DLGAP1: variants seen among roughly 807,000 people sequenced by gnomAD.
The protein encoded by DLGAP1 is disks large-associated protein 1.
Under a neutral mutation model 90.8 loss-of-function variants are expected in DLGAP1, and 11 were observed. The ratio of observed to expected loss-of-function variants is 0.12; its 90% CI spans 0.08 to 0.20. DLGAP1 has a LOEUF of 0.20. Among genes scored for constraint, DLGAP1 ranks in the 10% least tolerant of loss-of-function variants. The pLI is 1.00. For missense variants in DLGAP1, 1,050 were observed against 1,333.8 expected (o/e 0.79, Z 3.31); for synonymous variants, 558 against 540.7 (o/e 1.03, Z -0.44).
chr18:3,673,228 G>A (rs779621160), intron 7 of DLGAP1, among the ~76,000 whole-genome samples: 8 of 152,092 alleles, frequency 5.3e-5, no homozygotes, highest in Non-Finnish European at 1.2e-4. Flanking sequence ...TCAATTCACT[G>A]TCTTTGATAG....
intron 1 of DLGAP1, among the ~76,000 whole-genome samples, chr18:4,308,183 G>A (rs1007268956): frequency 2.0e-5 from 3 of 152,138 alleles, no homozygotes; most frequent in African/African-American, 7.2e-5. Flanking sequence ...TCTGATAATT[G>A]GTGACTGGGT....
intron 2 of DLGAP1, among the ~76,000 whole-genome samples, chr18:4,017,072 C>T (rs1275200964): frequency 1.3e-5 from 2 of 152,120 alleles, no homozygotes; most frequent in South Asian, 2.1e-4. Context: ...CCAAAGATCA[C>T]GTTTGGGTAG....
intron 7 of DLGAP1, among the ~76,000 whole-genome samples, chr18:3,672,448 A>G (rs1484334336): frequency 6.6e-6 from 1 of 151,818 alleles, no homozygotes; most frequent in African/African-American, 2.4e-5. Flanking sequence ...GTGGTGGCAC[A>G]TGCCTGTAAT....
At chr18:4,363,349 C>G (rs1278626828) in intron 1 of DLGAP1, among the ~76,000 whole-genome samples, 1 of 152,108 alleles carries the variant, frequency 6.6e-6, no homozygotes, top group East Asian at 1.9e-4. Flanking sequence ...TGTTACCCAA[C>G]CTACACAGGG....
chr18:4,246,512 A>AC (rs1406386229), intron 1 of DLGAP1, among the ~76,000 whole-genome samples: 2 of 152,236 alleles, frequency 1.3e-5, no homozygotes, highest in African/African-American at 4.8e-5. Context: ...ATTGGTCACA[A>AC]CCTCTCATTG....
At chr18:4,290,270 C>T (rs1021778065) in intron 1 of DLGAP1, among the ~76,000 whole-genome samples, 4 of 152,170 alleles carry the variant, frequency 2.6e-5, no homozygotes, top group African/African-American at 7.2e-5. Flanking sequence ...AAAGAATACG[C>T]ATCAGGAGAA....
Position 3,534,296 on chromosome 18 carries a change from C to T in DLGAP1, c.2377G>A (p.Gly793Ser). 6.2e-7 allele frequency: 1 copy of T among 1,614,250 alleles called. No homozygotes were observed. The highest frequency in any genetic ancestry group is 2.2e-5 in the East Asian group (1 of 44,894). ...AVQRSVCHRD[G>S]HWFLKLLQAE... Reference sequence around the variant, plus strand: ...TGGAGAAGCTTCAGGAACCAGTGGCCATCCCGGTGGCACACTGACCTTTGC... The same window carrying T: ...TGGAGAAGCTTCAGGAACCAGTGGCTATCCCGGTGGCACACTGACCTTTGC... Residue 793 changes from glycine to serine, a missense_variant, in exon 10 of 13, where the codon GGC becomes AGC. Transcript: ENST00000315677.
intron 4 of DLGAP1, among the ~76,000 whole-genome samples, chr18:3,850,585 C>A (rs774863804): frequency 1.1e-4 from 17 of 152,110 alleles, no homozygotes; most frequent in Non-Finnish European, 2.2e-4. Context: ...TCAACCTGGG[C>A]ATTCTTAAAG....
intron 4 of DLGAP1, among the ~76,000 whole-genome samples, chr18:3,837,895 A>T (rs2068494347): frequency 6.8e-6 from 1 of 147,932 alleles, no homozygotes; most frequent in African/African-American, 2.5e-5. Context: ...AGGGACAAGG[A>T]TAAATGCAAA....
At chr18:3,570,322 A>G (rs574648723) in intron 8 of DLGAP1, among the ~76,000 whole-genome samples, 8 of 149,018 alleles carry the variant, frequency 5.4e-5, no homozygotes, top group African/African-American at 2.0e-4. Flanking sequence ...TCTGTTGCCC[A>G]GGTTAGAGTG....
chr18:4,054,396 T>C (rs2075182294), intron 2 of DLGAP1, among the ~76,000 whole-genome samples: 2 of 152,224 alleles, frequency 1.3e-5, no homozygotes, highest in South Asian at 2.1e-4. Context: ...TGCATATTTC[T>C]TCCAAGTTGA....
intron 1 of DLGAP1, among the ~76,000 whole-genome samples, chr18:4,416,087 T>A (rs945401082): frequency 6.7e-6 from 1 of 149,592 alleles, no homozygotes; most frequent in Non-Finnish European, 1.5e-5. Context: ...GCAAGCATTC[T>A]GGCTAGAATA....
At chr18:4,322,829 C>A (rs147246450) in intron 1 of DLGAP1, among the ~76,000 whole-genome samples, 44 of 148,476 alleles carry the variant, frequency 3.0e-4, no homozygotes, top group Admixed American at 6.8e-4. Flanking sequence ...GGCGTTTTGG[C>A]GGGCGCCTGT....
chr18:3,910,026 C>T lies in DLGAP1; in HGVS notation c.-72-29886G>A, dbSNP rs183710888. 8.3e-4 allele frequency among the ~76,000 whole-genome samples: 125 copies of T among 151,316 alleles called. 3 individuals carry two copies. The South Asian group carries it at 0.015, about 18-fold the overall frequency. ...TGAGAAGTTCCTGAGAGTGTCCTTC[C>T]GAGAAGCATAGGAACAGGAAGTCAT... On this transcript the variant is annotated intron_variant, in intron 3 of 12. Coordinates refer to ENST00000315677, the MANE Select transcript of DLGAP1 (RefSeq NM_004746.4).
intron 4 of DLGAP1, among the ~76,000 whole-genome samples, chr18:3,834,315 A>G (rs2068245430): frequency 6.7e-6 from 1 of 149,606 alleles, no homozygotes; most frequent in Non-Finnish European, 1.5e-5. Flanking sequence ...CAAAAAAAAA[A>G]AAAAAAAAAA....
Position 4,005,856 on chromosome 18 carries a change from A to AT in DLGAP1, c.-158-656dup, listed in dbSNP as rs535244382. Among the ~76,000 whole-genome samples the AT allele has an allele frequency of 3.2e-4, 49 of 151,714 alleles. 3 individuals carry two copies. The South Asian group carries it at 4.0e-3, about 12-fold the overall frequency. ...TGGTTCTGCATCAAATGTATTGGTA[A>AT]TTTTTTTTTATCTGTCTGTTTTTGA... is the stretch of plus-strand genomic sequence containing the variant. On this transcript the variant is annotated intron_variant, in intron 2 of 12. Coordinates refer to ENST00000315677, the MANE Select transcript of DLGAP1 (RefSeq NM_004746.4).
intron 1 of DLGAP1, among the ~76,000 whole-genome samples, chr18:4,225,623 A>C (rs900389345): frequency 6.6e-6 from 1 of 151,730 alleles, no homozygotes; most frequent in Non-Finnish European, 1.5e-5. Flanking sequence ...TATTAAAAGA[A>C]ATCAAGCAGA....
intron 1 of DLGAP1, among the ~76,000 whole-genome samples, chr18:4,349,920 A>G (rs1371411043): frequency 6.6e-6 from 1 of 152,202 alleles, no homozygotes; most frequent in Non-Finnish European, 1.5e-5. Flanking sequence ...TATCATAGGT[A>G]GGTTTTAATT....
chr18:4,371,523 A>G (rs2081916391), intron 1 of DLGAP1, among the ~76,000 whole-genome samples: 1 of 152,238 alleles, frequency 6.6e-6, no homozygotes, highest in Non-Finnish European at 1.5e-5. Flanking sequence ...ATTTCACTTC[A>G]AATGTTATTT....
Sources: allele counts gnomAD v4.1 joint callset (sites outside exome capture counted in the v4.1 genomes callset), GRCh38; gene constraint gnomAD v4.1.1; transcripts MANE v1.5; gene names NCBI Gene and HGNC (gene_info 2026-07-23, HGNC 2026-07-21).